The following MOB1B variants were observed in gnomAD, a reference collection of about 807,000 sequenced individuals.
MOB1B encodes the protein MOB1 Mps One Binder homolog B.
A neutral mutation model predicts 24.4 loss-of-function variants in MOB1B; 19 were observed. The ratio of observed to expected loss-of-function variants is 0.78; its 90% CI spans 0.54 to 1.14. The LOEUF is 1.14. Among genes scored for constraint, MOB1B ranks in the 50% most tolerant of loss-of-function variants. MOB1B has a pLI of 0.00. For synonymous variants in MOB1B, 76 were observed against 82.1 expected (o/e 0.93, Z 0.40); for missense variants, 243 against 259.6 (o/e 0.94, Z 0.44).
At chr4:70,918,763 G>A (rs1736299995) in intron 1 of MOB1B, among the ~76,000 whole-genome samples, 2 of 152,096 alleles carry the variant, frequency 1.3e-5, no homozygotes, top group South Asian at 4.1e-4. Flanking sequence ...TGAAGTCCTT[G>A]CCCATGCCTG....
chr4:70,919,976 C>G (rs1431870115), intron 1 of MOB1B, among the ~76,000 whole-genome samples: 1 of 152,008 alleles, frequency 6.6e-6, no homozygotes, highest in African/African-American at 2.4e-5. Context: ...TTTCAAAAGC[C>G]AAAGAAACAG....
chr4:70,921,510 C>CCCTCCCCTCCCCTCT, intron 1 of MOB1B, among the ~76,000 whole-genome samples: 1 of 135,400 alleles, frequency 7.4e-6, no homozygotes. Context: ...CCCTCCCCTC[C>CCCTCCCCTCCCCTCT]CCTTCCCTTT....
intron 3 of MOB1B, among the ~76,000 whole-genome samples, chr4:70,972,750 A>T (rs1432632488): frequency 6.7e-6 from 1 of 149,704 alleles, no homozygotes; most frequent in Non-Finnish European, 1.5e-5. Context: ...AGGTCTAAGC[A>T]ATACACAATT....
intron 2 of MOB1B, among the ~76,000 whole-genome samples, chr4:70,969,341 G>C (rs1455004495): frequency 6.6e-6 from 1 of 152,084 alleles, no homozygotes; most frequent in Non-Finnish European, 1.5e-5. Flanking sequence ...GTATTTCCCA[G>C]GTTGGTCTTG....
intron 1 of MOB1B, among the ~76,000 whole-genome samples, chr4:70,922,468 C>T (rs1736476674): frequency 6.6e-6 from 1 of 152,086 alleles, no homozygotes; most frequent in Non-Finnish European, 1.5e-5. Flanking sequence ...GGCTTGGGGG[C>T]TTTCAGATCA....
chr4:70,965,324 G>T (rs1334923059), intron 2 of MOB1B, among the ~76,000 whole-genome samples: 1 of 146,680 alleles, frequency 6.8e-6, no homozygotes, highest in South Asian at 2.1e-4. Context: ...AAAAAAAGTG[G>T]TTCTTTGCAA....
chr4:70,959,146 T>A (rs1408664009), intron 2 of MOB1B, 106 bp downstream of exon 2: 9 of 837,922 alleles, frequency 1.1e-5, no homozygotes, highest in Non-Finnish European at 1.7e-5. Flanking sequence ...TAAGCTAATA[T>A]CATAAAAGAG....
At chr4:70,915,613 C>G (rs1022773709) in intron 1 of MOB1B, among the ~76,000 whole-genome samples, 10 of 152,214 alleles carry the variant, frequency 6.6e-5, no homozygotes, top group African/African-American at 2.2e-4. Context: ...TATTTCCTGT[C>G]ATAGCTGAAG....
chr4:70,953,353 CAA>C (rs1348041343), intron 1 of MOB1B, among the ~76,000 whole-genome samples: 2 of 151,974 alleles, frequency 1.3e-5, no homozygotes, highest in East Asian at 3.9e-4. Flanking sequence ...GAAAACCTAA[CAA>C]AGATTTTAAA....
At chr4:70,949,743 AAT>A (rs776561927) in intron 1 of MOB1B, among the ~76,000 whole-genome samples, 6 of 151,990 alleles carry the variant, frequency 3.9e-5, no homozygotes, top group Non-Finnish European at 5.9e-5. Flanking sequence ...ACAACAACAA[AAT>A]AATTAGCTGG....
intron 5 of MOB1B, among the ~76,000 whole-genome samples, 155 bp downstream of exon 5, chr4:70,979,446 T>G (rs1490495356): frequency 2.0e-5 from 3 of 152,192 alleles, no homozygotes; most frequent in African/African-American, 7.2e-5. Flanking sequence ...AGGACTGACT[T>G]TTTGTTTCTA....
At chr4:70,976,756 A>G (rs986415806) in intron 4 of MOB1B, 1 of 192,112 alleles carries the variant, frequency 5.2e-6, no homozygotes, top group Non-Finnish European at 8.5e-6. Flanking sequence ...TGAATTACAT[A>G]TATATATATA....
intron 1 of MOB1B, among the ~76,000 whole-genome samples, chr4:70,945,594 A>C (rs941995908): frequency 4.6e-5 from 7 of 152,198 alleles, no homozygotes; most frequent in African/African-American, 1.7e-4. Context: ...CTGTACTTTC[A>C]AATTTTTGTC....
intron 1 of MOB1B, among the ~76,000 whole-genome samples, chr4:70,952,366 C>T (rs1737842910): frequency 6.6e-6 from 1 of 151,886 alleles, no homozygotes; most frequent in Non-Finnish European, 1.5e-5. Flanking sequence ...TAAAAACAGG[C>T]ACAAAACTTT....
intron 4 of MOB1B, among the ~76,000 whole-genome samples, chr4:70,978,578 T>C (rs901593488): frequency 2.6e-5 from 4 of 152,208 alleles, no homozygotes; most frequent in African/African-American, 9.6e-5. Context: ...CCACAGGGAT[T>C]TTCTATTTTT....
chr4:70,976,956 A>G (rs1578405177), intron 4 of MOB1B, among the ~76,000 whole-genome samples: 1 of 151,930 alleles, frequency 6.6e-6, no homozygotes. Context: ...AGTCGTTAAC[A>G]TCTTCCTCCT....
rs1464411280 is a variant in MOB1B at position 70,986,269 on chromosome 4, T to A, written c.*4212T>A. The A allele has an allele frequency of 6.6e-6, 1 of 151,422 alleles. No homozygotes were observed. Among genetic ancestry groups the A allele is most frequent in the Non-Finnish European group, 1.5e-5 (1 of 67,796 alleles). 9.4% of individuals were successfully genotyped at this position (151,422 alleles called of 1,614,324 possible). ...AAGGAGACAACAGCCTTTACTGCCA[T>A]TTTTTTTTAAATGTTTTCACTCAGA... On this transcript the variant is annotated 3_prime_UTR_variant, in exon 6 of 6. Coordinates refer to ENST00000309395, the MANE Select transcript of MOB1B (RefSeq NM_173468.4).
intron 1 of MOB1B, among the ~76,000 whole-genome samples, chr4:70,920,608 A>G (rs532468977): frequency 6.6e-6 from 1 of 152,334 alleles, no homozygotes; most frequent in South Asian, 2.1e-4. Context: ...GTTTGCACAG[A>G]GAAAGAAGCC....
chr4:70,926,264 A>ATTT (rs750881520), intron 1 of MOB1B, among the ~76,000 whole-genome samples: 2 of 135,668 alleles, frequency 1.5e-5, no homozygotes, highest in African/African-American at 5.4e-5. Flanking sequence ...GATTACAGCC[A>ATTT]TTTTTTTTTT....
Sources: allele counts gnomAD v4.1 joint callset (sites outside exome capture counted in the v4.1 genomes callset), GRCh38; gene constraint gnomAD v4.1.1; transcripts MANE v1.5; gene names NCBI Gene and HGNC (gene_info 2026-07-23, HGNC 2026-07-21).